CTNND2: variants seen among roughly 807,000 people sequenced by gnomAD.
CTNND2 encodes catenin delta-2.
Under a neutral mutation model 144.4 loss-of-function variants are expected in CTNND2, and 22 were observed. The ratio of observed to expected loss-of-function variants is 0.15; its 90% CI spans 0.11 to 0.22. CTNND2 has a LOEUF of 0.22. Among genes scored for constraint, CTNND2 ranks in the 10% least tolerant of loss-of-function variants. CTNND2 has a pLI of 1.00. For missense variants in CTNND2, 1,353 were observed against 1,618.8 expected, an observed-to-expected ratio of 0.84 and a Z score of 2.82; for synonymous variants, 751 against 695.6, an observed-to-expected ratio of 1.08 and a Z score of -1.25.
intron 9 of CTNND2, among the ~76,000 whole-genome samples, chr5:11,264,884 T>C (rs1745281878): frequency 1.3e-5 from 2 of 152,126 alleles, no homozygotes; most frequent in African/African-American, 4.8e-5. Context: ...TGAGCCAAGA[T>C]TGTGCCACTG....
intron 16 of CTNND2, among the ~76,000 whole-genome samples, chr5:11,073,646 G>A (rs574088182): frequency 6.6e-6 from 1 of 152,244 alleles, no homozygotes; most frequent in African/African-American, 2.4e-5. Flanking sequence ...CCCAAAAGGT[G>A]TCCCAAGTTA....
At chr5:11,213,343 G>T (rs1369116456) in intron 10 of CTNND2, among the ~76,000 whole-genome samples, 1 of 152,056 alleles carries the variant, frequency 6.6e-6, no homozygotes, top group Non-Finnish European at 1.5e-5. Context: ...GAGTCTGCTG[G>T]ATTTGACCAC....
At chr5:11,545,283 C>T (rs2150075483) in intron 3 of CTNND2, among the ~76,000 whole-genome samples, 1 of 152,054 alleles carries the variant, frequency 6.6e-6, no homozygotes, top group South Asian at 2.1e-4. Flanking sequence ...GATCGCACCA[C>T]TGCACTCCAG....
intron 12 of CTNND2, among the ~76,000 whole-genome samples, chr5:11,129,311 T>TATATATAATATAA (rs1755316486): frequency 1.4e-5 from 1 of 72,124 alleles, no homozygotes; most frequent in African/African-American, 8.4e-5. Flanking sequence ...ATTATATATA[T>TATATATAATATAA]AAATATATAT....
At chr5:11,548,721 C>G (rs1775483308) in intron 3 of CTNND2, among the ~76,000 whole-genome samples, 2 of 152,182 alleles carry the variant, frequency 1.3e-5, no homozygotes, top group South Asian at 4.1e-4. Context: ...AGTGACAAAT[C>G]CAATCCTTTA....
intron 1 of CTNND2, among the ~76,000 whole-genome samples, chr5:11,804,838 T>G (rs1791905211): frequency 6.6e-6 from 1 of 152,142 alleles, no homozygotes; most frequent in African/African-American, 2.4e-5. Context: ...TGTATGTACA[T>G]TTTAAAAAAC....
At chr5:11,349,492 C>G (rs1477118708) in intron 8 of CTNND2, among the ~76,000 whole-genome samples, 1 of 152,130 alleles carries the variant, frequency 6.6e-6, no homozygotes, top group Non-Finnish European at 1.5e-5. Flanking sequence ...TTGAAGTCCT[C>G]GGAGTTGGTT....
chr5:11,108,028 T>C (rs1009093813), intron 14 of CTNND2, among the ~76,000 whole-genome samples: 15 of 152,202 alleles, frequency 9.9e-5, no homozygotes, highest in African/African-American at 3.1e-4. Flanking sequence ...TGGGGATCAA[T>C]TGCTATACTT....
intron 2 of CTNND2, among the ~76,000 whole-genome samples, chr5:11,706,090 G>A (rs1785679278): frequency 6.6e-6 from 1 of 152,064 alleles, no homozygotes; most frequent in Non-Finnish European, 1.5e-5. Context: ...CCTCAGACCT[G>A]GAGGTCTGAA....
intron 3 of CTNND2, among the ~76,000 whole-genome samples, chr5:11,489,911 C>T (rs1462108999): frequency 1.3e-5 from 2 of 152,078 alleles, no homozygotes; most frequent in South Asian, 2.1e-4. Flanking sequence ...GTATTTATTC[C>T]AATGCCTCTT....
intron 1 of CTNND2, among the ~76,000 whole-genome samples, chr5:11,737,447 C>G (rs189881755): frequency 6.4e-4 from 98 of 152,300 alleles, no homozygotes; most frequent in African/African-American, 2.1e-3. Context: ...TTTGGACAGA[C>G]CCATCTTCCA....
intron 2 of CTNND2, among the ~76,000 whole-genome samples, chr5:11,577,172 G>A (rs555070836): frequency 6.6e-6 from 1 of 152,054 alleles, no homozygotes; most frequent in South Asian, 2.1e-4. Context: ...CGAAATCTCT[G>A]GTATATTATC....
In CTNND2 at chr5:11,903,072, G is replaced by C. The variant is rs898899336; in HGVS notation, c.37+745C>G. 2.3e-5 allele frequency: 11 copies of C among 471,796 alleles called. No homozygotes were observed. The highest frequency in any genetic ancestry group is 3.0e-5 in the Non-Finnish European group (11 of 360,796). The allele number at this position is 471,796 out of a possible 1,614,324, so 29.2% of individuals were successfully genotyped here. On this transcript the variant is annotated intron_variant, in intron 1 of 21. Transcript: ENST00000304623. This position sits in a 1 kb window ranked among gnomAD's most constrained non-coding sequence, Gnocchi z 5.4. Reference sequence around the variant, plus strand: ...TACACACCAGAATAAGATGAGGGTCGGGAAAAAAAGAAAAAAGCAGCTTCG... The same window carrying C: ...TACACACCAGAATAAGATGAGGGTCCGGAAAAAAAGAAAAAAGCAGCTTCG...
At chr5:11,540,074 C>CATTA (rs201112577) in intron 3 of CTNND2, among the ~76,000 whole-genome samples, 2,427 of 152,150 alleles carry the variant, frequency 0.016, 61 homozygotes, top group African/African-American at 0.056. Context: ...CGTATAAATA[C>CATTA]ATTAATTAAT....
chr5:11,507,870 G>A (rs1474883327), intron 3 of CTNND2, among the ~76,000 whole-genome samples: 2 of 152,130 alleles, frequency 1.3e-5, no homozygotes, highest in African/African-American at 4.8e-5. Context: ...TGGCGAGGAG[G>A]TCCCAGGCAC....
rs1231689010 is a variant in CTNND2 at position 11,803,417 on chromosome 5, G to C, written c.38-71145C>G. On this transcript the variant is annotated intron_variant, in intron 1 of 21. Transcript: ENST00000304623. ...GAAAAATCATCTTTGCTCCAAAGGG[G>C]AAAAGGAATCTGAACTGTATAAACT... Among the ~76,000 whole-genome samples, 6 of 152,338 alleles carry C rather than the reference G, an allele frequency of 3.9e-5. No homozygotes were observed. In the South Asian group the frequency reaches 1.2e-3, roughly 32 times the overall value.
intron 13 of CTNND2, among the ~76,000 whole-genome samples, chr5:11,116,107 G>C (rs1400560083): frequency 6.6e-6 from 1 of 152,216 alleles, no homozygotes; most frequent in African/African-American, 2.4e-5. Context: ...CTTGTGACCA[G>C]AGTTAGACAG....
intron 3 of CTNND2, among the ~76,000 whole-genome samples, chr5:11,503,879 C>T (rs1770756319): frequency 6.6e-6 from 1 of 152,186 alleles, no homozygotes; most frequent in Non-Finnish European, 1.5e-5. Flanking sequence ...AGTATGTTTT[C>T]CTATGCCTCC....
At chr5:11,854,592 T>G (rs114131492) in intron 1 of CTNND2, among the ~76,000 whole-genome samples, 1,672 of 152,352 alleles carry the variant, frequency 0.011, 35 homozygotes, top group African/African-American at 0.039. Context: ...AAACACTTGT[T>G]GAGTAAGTGA....
Sources: gnomAD v4.1 joint callset for allele counts (sites outside exome capture counted in the v4.1 genomes callset) on GRCh38, gnomAD v4.1.1 for gene constraint, Gnocchi (gnomAD v3.1) non-coding constraint, MANE v1.5 for transcripts, NCBI Gene and HGNC (gene_info 2026-07-23, HGNC 2026-07-21) for gene names.